The following ZNF782 variants were observed in gnomAD, a reference collection of about 807,000 sequenced individuals.
The protein encoded by ZNF782 is zinc finger protein 782.
Under a neutral mutation model 13.0 loss-of-function variants are expected in ZNF782, and 12 were observed. That is an observed-to-expected ratio of 0.92 (90% confidence interval 0.59 to 1.50). The LOEUF (loss-of-function observed/expected upper bound fraction) is 1.50, where lower values mean the gene tolerates loss of function less well. Among genes scored for constraint, ZNF782 ranks in the 40% most tolerant of loss-of-function variants. The probability of loss-of-function intolerance (pLI) is 0.00; values close to 1 mark genes in which losing one functional copy is unlikely to be tolerated. For missense variants in ZNF782, 770 were observed against 822.9 expected, an observed-to-expected ratio of 0.94 and a Z score of 0.79; for synonymous variants, 284 against 283.0, an observed-to-expected ratio of 1.00 and a Z score of -0.04.
chr9:96,931,768 C>G, the ZNF782 span: 1 of 1,611,680 alleles, frequency 6.2e-7, no homozygotes, highest in Non-Finnish European at 8.5e-7. Context: ...CTGGCACCTC[C>G]CTGTCTGTGT....
At chr9:96,846,365 C>G (rs1851340374) in intron 3 of ZNF782, among the ~76,000 whole-genome samples, 1 of 151,946 alleles carries the variant, frequency 6.6e-6, no homozygotes. Flanking sequence ...TGTAAATGGC[C>G]TAAATGCTCC....
the ZNF782 span, among the ~76,000 whole-genome samples, chr9:96,881,161 T>C: frequency 6.6e-6 from 1 of 152,126 alleles, no homozygotes; most frequent in Non-Finnish European, 1.5e-5. Flanking sequence ...TCTTCATCTT[T>C]GTCAATCTTG....
intron 5 of ZNF782, among the ~76,000 whole-genome samples, chr9:96,826,763 G>T (rs1271724374): frequency 6.6e-6 from 1 of 152,072 alleles, no homozygotes; most frequent in Non-Finnish European, 1.5e-5. Flanking sequence ...CTGTAATTTT[G>T]GCAGATGCTA....
At chr9:96,869,756 A>G (rs1851802493) in intron 1 of ZNF782, among the ~76,000 whole-genome samples, 1 of 152,216 alleles carries the variant, frequency 6.6e-6, no homozygotes, top group Non-Finnish European at 1.5e-5. Flanking sequence ...ACCATAATTA[A>G]TGTCCAAGTG....
chr9:96,874,593 A>G (rs1343442508), intron 1 of ZNF782, among the ~76,000 whole-genome samples: 3 of 152,150 alleles, frequency 2.0e-5, no homozygotes, highest in African/African-American at 7.2e-5. Flanking sequence ...AGATAATGAC[A>G]TCACCAGATC....
chr9:96,845,814 A>G (rs1047302690), intron 3 of ZNF782, among the ~76,000 whole-genome samples: 1 of 152,240 alleles, frequency 6.6e-6, no homozygotes, highest in Non-Finnish European at 1.5e-5. Flanking sequence ...TGACCTGGCT[A>G]GATATTTACA....
the ZNF782 span, among the ~76,000 whole-genome samples, chr9:96,933,168 C>T: frequency 2.7e-5 from 4 of 148,204 alleles, no homozygotes; most frequent in Admixed American, 6.8e-5. Context: ...TTAGTAGAGA[C>T]GGGGTTTCAC....
chr9:96,842,230 A>G (rs989373545), intron 4 of ZNF782, among the ~76,000 whole-genome samples: 1 of 152,016 alleles, frequency 6.6e-6, no homozygotes, highest in African/African-American at 2.4e-5. Context: ...TTTATGGATT[A>G]TAAGCCTCAA....
Position 96,819,167 on chromosome 9 carries a change from T to C in ZNF782, c.856A>G (p.Lys286Glu). 3 of 1,613,340 alleles carry C rather than the reference T, an allele frequency of 1.9e-6. No homozygotes were observed. The highest frequency in any genetic ancestry group is 2.5e-6 in the Non-Finnish European group (3 of 1,179,634). ...TGNCFCRITH[K>E]TLTGGKSFSQ... ...AAGGATTTCCCTCCTGTGAGAGTTT[T>C]GTGAGTGATTCTACAGAAACAATTT... The change falls in exon 6 of 6, where the codon AAA (lysine) becomes GAA (glutamate). Residue 286 changes from lysine (K) to glutamate (E), a missense_variant. By Grantham distance (56) the Lys-to-Glu change is moderately conservative. Coordinates refer to ENST00000481138, the MANE Select transcript of ZNF782 (RefSeq NM_001001662.3).
At chr9:96,931,078 G>A in the ZNF782 span, among the ~76,000 whole-genome samples, 5 of 151,776 alleles carry the variant, frequency 3.3e-5, no homozygotes, top group East Asian at 9.7e-4. Context: ...AGTAGAGATG[G>A]GGTTTCACCA....
intron 1 of ZNF782, among the ~76,000 whole-genome samples, chr9:96,864,062 C>T (rs1851732660): frequency 6.7e-6 from 1 of 150,040 alleles, no homozygotes; most frequent in Non-Finnish European, 1.5e-5. Flanking sequence ...TGCATATGTA[C>T]ATATACACAT....
At chr9:96,884,162 A>G in the ZNF782 span, among the ~76,000 whole-genome samples, 13 of 152,236 alleles carry the variant, frequency 8.5e-5, no homozygotes, top group Admixed American at 2.0e-4. Flanking sequence ...TGCCTGGCAG[A>G]AGTGGGTGGC....
the ZNF782 span, among the ~76,000 whole-genome samples, chr9:96,884,828 AAC>A: frequency 1.3e-5 from 2 of 152,336 alleles, no homozygotes; most frequent in Middle Eastern, 3.4e-3. Flanking sequence ...AAAAAAGGTT[AAC>A]TAGGATTCAT....
chr9:96,832,761 A>G (rs1850848971), intron 4 of ZNF782, among the ~76,000 whole-genome samples: 1 of 151,934 alleles, frequency 6.6e-6, no homozygotes, highest in Non-Finnish European at 1.5e-5. Flanking sequence ...CTTTATCTTT[A>G]GTTGTCAGAA....
At chr9:96,859,304 A>G (rs1214142312), upstream of ZNF782, among the ~76,000 whole-genome samples, 3 of 152,116 alleles carry the variant, frequency 2.0e-5, no homozygotes, top group East Asian at 1.9e-4. Context: ...TAGGGCAGCT[A>G]TGGAGTGCTT....
Position 96,819,008 on chromosome 9 carries a change from C to CA in ZNF782, c.1014dup (p.Asp339Ter). 1 of 1,614,134 alleles carries CA rather than the reference C, an allele frequency of 6.2e-7. No individual in the cohort carries two copies. Among genetic ancestry groups the CA allele is most frequent in the Non-Finnish European group, 8.5e-7 (1 of 1,180,008 alleles). ...AATGTCTCTGTACATGGGTGATAAT[C>CA]AGAGTATTTATCTGTTGCATGAGTT... On this transcript the variant is annotated frameshift_variant, in exon 6 of 6. Coordinates refer to ENST00000481138, the MANE Select transcript of ZNF782 (RefSeq NM_001001662.3). LOFTEE classifies it low-confidence loss of function (END_TRUNC).
intron 2 of ZNF782, 87 bp from the exon 3 acceptor site, chr9:96,852,092 G>C: frequency 1.2e-6 from 1 of 832,194 alleles, no homozygotes; most frequent in Non-Finnish European, 2.0e-6. Flanking sequence ...AACCCAGTTG[G>C]AGAGCAGCCT....
the ZNF782 span, among the ~76,000 whole-genome samples, chr9:96,916,332 G>T: frequency 6.6e-6 from 1 of 151,872 alleles, no homozygotes; most frequent in African/African-American, 2.4e-5. Flanking sequence ...TCCACAAAAA[G>T]TACAAAAATT....
the ZNF782 span, chr9:96,910,430 T>TAA: frequency 2.9e-6 from 1 of 340,914 alleles, no homozygotes; most frequent in East Asian, 4.9e-5. Context: ...AAAGTTAAAC[T>TAA]AAAAAAAAAA....
Sources: allele counts gnomAD v4.1 joint callset (sites outside exome capture counted in the v4.1 genomes callset), GRCh38; gene constraint gnomAD v4.1.1; transcripts MANE v1.5; gene names NCBI Gene and HGNC (gene_info 2026-07-23, HGNC 2026-07-21).